RAG1: variants seen among roughly 807,000 people sequenced by gnomAD.
RAG1 encodes the protein V(D)J recombination-activating protein 1.
In RAG1, 35 loss-of-function variants were observed where a neutral mutation model predicts 62.7. The observed-to-expected ratio is 0.56, with a 90% CI of 0.43 to 0.74. RAG1 has a LOEUF of 0.74. Ranked by LOEUF, RAG1 falls within the 30% of genes least tolerant of loss-of-function variation. The pLI, the probability that RAG1 is intolerant of heterozygous loss-of-function variation, is 0.00. For synonymous variants in RAG1, 461 were observed against 470.3 expected, an observed-to-expected ratio of 0.98 and a Z score of 0.26; for missense variants, 1,169 against 1,278.6, an observed-to-expected ratio of 0.91 and a Z score of 1.31.
At chr11:36,546,929 T>G (rs1414929034) in intron 3 of RAG1, among the ~76,000 whole-genome samples, 11 of 152,164 alleles carry the variant, frequency 7.2e-5, no homozygotes. Context: ...ACATCCGCTC[T>G]TAGTCTGATG....
intron 1 of RAG1, among the ~76,000 whole-genome samples, chr11:36,516,677 A>G (rs1435241991): frequency 6.6e-6 from 1 of 152,232 alleles, no homozygotes; most frequent in Non-Finnish European, 1.5e-5. Context: ...CGAAGTAAGT[A>G]CTACCTTATG....
At chr11:36,547,737 A>G (rs895515709) in intron 3 of RAG1, among the ~76,000 whole-genome samples, 1 of 152,136 alleles carries the variant, frequency 6.6e-6, no homozygotes, top group Non-Finnish European at 1.5e-5. Context: ...ACTATTCCAA[A>G]CAATAGAAAA....
At chr11:36,571,983 T>G (rs1850754276) in intron 1 of RAG1, among the ~76,000 whole-genome samples, 1 of 152,168 alleles carries the variant, frequency 6.6e-6, no homozygotes, top group South Asian at 2.1e-4. Flanking sequence ...AAGCGGGGAC[T>G]TGAAAAGAGG....
chr11:36,511,106 T>A (rs910012154), intron 1 of RAG1: 10 of 152,338 alleles, frequency 6.6e-5, no homozygotes, highest in African/African-American at 2.2e-4. Context: ...AATAATAGTA[T>A]CTACCTCACA....
At chr11:36,518,551 T>C (rs1476307079) in intron 1 of RAG1, among the ~76,000 whole-genome samples, 1 of 152,230 alleles carries the variant, frequency 6.6e-6, no homozygotes, top group Non-Finnish European at 1.5e-5. Flanking sequence ...TGTGAGATGG[T>C]ATCTCATTGT....
At chr11:36,570,568 C>A (rs767913952) in intron 1 of RAG1, among the ~76,000 whole-genome samples, 3 of 152,130 alleles carry the variant, frequency 2.0e-5, no homozygotes, top group Non-Finnish European at 4.4e-5. Flanking sequence ...TATAATAATT[C>A]TATCTTTAGT....
At chr11:36,531,066 T>C in intron 2 of RAG1, among the ~76,000 whole-genome samples, 1 of 152,114 alleles carries the variant, frequency 6.6e-6, no homozygotes, top group Non-Finnish European at 1.5e-5. Context: ...AAGGGTTTTT[T>C]TTTGCATTAT....
chr11:36,562,591 C>A (rs1427932146), intron 3 of RAG1, among the ~76,000 whole-genome samples: 1 of 152,172 alleles, frequency 6.6e-6, no homozygotes, highest in Non-Finnish European at 1.5e-5. Flanking sequence ...GATAACCATA[C>A]TCACTCATTA....
chr11:36,516,733 T>C (rs745425305), intron 1 of RAG1, among the ~76,000 whole-genome samples: 16 of 152,358 alleles, frequency 1.1e-4, no homozygotes, highest in Admixed American at 5.2e-4. Flanking sequence ...TGAAAATTAC[T>C]AAAATCACCC....
downstream of RAG1, among the ~76,000 whole-genome samples, chr11:36,540,150 G>GC (rs1051764175): frequency 1.2e-4 from 19 of 152,156 alleles, no homozygotes; most frequent in African/African-American, 4.6e-4. Context: ...GAGTCGAGAA[G>GC]CCGGGGGGAG....
chr11:36,576,739 C>G lies in RAG1; in HGVS notation c.*303C>G. On this transcript the variant is annotated 3_prime_UTR_variant, in exon 2 of 2. Coordinates refer to ENST00000299440, the MANE Select transcript of RAG1 (RefSeq NM_000448.3). ...GCAAAGATCTGTGTGTGTTGGGGAG[C>G]TGTCATGTAAATCAAAGCCAAGGTT... The G allele has an allele frequency of 2.7e-6, 1 of 372,040 alleles. No individual in the cohort carries two copies. The highest frequency in any genetic ancestry group is 3.8e-5 in the South Asian group (1 of 26,534). 23.0% of individuals were successfully genotyped at this position (372,040 alleles called of 1,614,324 possible).
At chr11:36,560,858 A>G (rs1850573913) in intron 3 of RAG1, among the ~76,000 whole-genome samples, 2 of 152,150 alleles carry the variant, frequency 1.3e-5, no homozygotes, top group Admixed American at 1.3e-4. Flanking sequence ...CTATACTGCC[A>G]TCTTGAATCT....
At chr11:36,562,566 G>C (rs1048478333) in intron 3 of RAG1, among the ~76,000 whole-genome samples, 6 of 152,084 alleles carry the variant, frequency 3.9e-5, no homozygotes, top group Admixed American at 3.9e-4. Flanking sequence ...ACATTAGATG[G>C]ATAATAATGG....
intron 2 of RAG1, among the ~76,000 whole-genome samples, chr11:36,529,507 G>A (rs1860218738): frequency 5.9e-5 from 9 of 152,084 alleles, no homozygotes; most frequent in Admixed American, 5.9e-4. Context: ...AATAATAAGA[G>A]CTACTTATGA....
At chr11:36,570,521 C>CTTTGTTTGGAATAAATACCCAGTAGTA (rs1850724565) in intron 1 of RAG1, among the ~76,000 whole-genome samples, 2 of 148,182 alleles carry the variant, frequency 1.3e-5, no homozygotes, top group Non-Finnish European at 3.0e-5. Flanking sequence ...ATTTAACTTC[C>CTTTGTTTGGAATAAATACCCAGTAGTA]TTTGGATAAA....
At chr11:36,572,010 C>T (rs930546745) in intron 1 of RAG1, among the ~76,000 whole-genome samples, 3 of 152,282 alleles carry the variant, frequency 2.0e-5, no homozygotes, top group African/African-American at 7.2e-5. Context: ...TAACAGCTGT[C>T]AGCATTAACC....
chr11:36,533,420 T>G (rs1860283681), intron 2 of RAG1, among the ~76,000 whole-genome samples: 1 of 152,220 alleles, frequency 6.6e-6, no homozygotes, highest in Non-Finnish European at 1.5e-5. Context: ...CGAATTGAAC[T>G]GAGGCATATT....
Position 36,575,220 on chromosome 11 carries a change from A to G in RAG1, c.1916A>G (p.Gln639Arg). 6.2e-7 allele frequency: 1 copy of G among 1,614,214 alleles called. No individual in the cohort carries two copies. Among genetic ancestry groups the G allele is most frequent in the Non-Finnish European group, 8.5e-7 (1 of 1,180,038 alleles). The change falls in exon 2 of 2, where the codon CAG becomes CGG. Residue 639 changes from glutamine to arginine, a missense_variant. Physicochemically the swap from Gln to Arg is conservative, Grantham distance 43. Around this residue, in one of 2 missense-constraint regions of RAG1, gnomAD observed 800 missense variants for 943.3 expected, o/e 0.85. Transcript: ENST00000299440. This position sits in a 1 kb window ranked among gnomAD's most constrained non-coding sequence, Gnocchi z 4.1. ...AAAATTACTATTGCCCACAGCTCTCAGAATGTGAAAGTATTTGAAGAAGCC... is the reference window on the plus strand; with the variant it reads ...AAAATTACTATTGCCCACAGCTCTCGGAATGTGAAAGTATTTGAAGAAGCC... Reference protein sequence around the residue: ...IMKITIAHSSQNVKVFEEAKP... With the variant: ...IMKITIAHSSRNVKVFEEAKP...
intron 1 of RAG1, among the ~76,000 whole-genome samples, chr11:36,518,419 G>A (rs1328551041): frequency 1.3e-5 from 2 of 152,202 alleles, no homozygotes; most frequent in African/African-American, 2.4e-5. Context: ...TCGCCACACT[G>A]ACTTCCACTA....
Sources: gnomAD v4.1 joint callset for allele counts (sites outside exome capture counted in the v4.1 genomes callset) on GRCh38, gnomAD v4.1.1 for gene constraint, gnomAD v4.1.1 regional missense constraint, Gnocchi (gnomAD v3.1) non-coding constraint, MANE v1.5 for transcripts, NCBI Gene and HGNC (gene_info 2026-07-23, HGNC 2026-07-21) for gene names.